NUPR2: variants seen among roughly 807,000 people sequenced by gnomAD.
NUPR2 encodes nuclear protein 2, transcriptional regulator, also known as nuclear protein 2.
In NUPR2, 14 loss-of-function variants were observed where a neutral mutation model predicts 7.3. The observed-to-expected ratio is 1.93, with a 90% CI of 1.27 to 3.01. The LOEUF (loss-of-function observed/expected upper bound fraction) is 3.01. Ranked by LOEUF, NUPR2 falls within the 30% of genes most tolerant of loss-of-function variation. The pLI is 0.00. For synonymous variants in NUPR2, 56 were observed against 59.7 expected, an observed-to-expected ratio of 0.94 and a Z score of 0.29; for missense variants, 162 against 143.7, an observed-to-expected ratio of 1.13 and a Z score of -0.65.
rs1282526398 is a variant in NUPR2 at position 56,115,897 on chromosome 7, C to T, written c.*6+118G>A. ...GAGGCCAAGCTGGCGGGTGCGGTTC[C>T]CTAATACGGTTCCCTCAGAGGCAGC... On this transcript the variant is annotated intron_variant, in intron 1 of 1. Coordinates refer to ENST00000329309, the MANE Select transcript of NUPR2 (RefSeq NM_001145712.2). 3 of 895,536 alleles carry T rather than the reference C, an allele frequency of 3.3e-6. No individual in the cohort carries two copies. In the East Asian group the frequency reaches 9.8e-5, roughly 29 times the overall value. The allele number at this position is 895,536 out of a possible 1,614,324, so 55.5% of individuals were successfully genotyped here.
At position 56,116,347 on chromosome 7, in the gene NUPR2, T is replaced by G; in HGVS notation, c.-33A>C. On this transcript the variant is annotated 5_prime_UTR_variant, in exon 1 of 2. Coordinates refer to ENST00000329309, the MANE Select transcript of NUPR2 (RefSeq NM_001145712.2). ...AGGCCTGTGGCCACCGGCGGCCACC[T>G]GCCCGCGTCTGGGCGCTCCTGGAAG... is the stretch of plus-strand genomic sequence containing the variant. 3.2e-6 allele frequency: 4 copies of G among 1,246,172 alleles called. No individual in the cohort carries two copies. Among genetic ancestry groups the G allele is most frequent in the Non-Finnish European group, 4.1e-6 (4 of 969,906 alleles). The allele number at this position is 1,246,172 out of a possible 1,614,324, so 77.2% of individuals were successfully genotyped here. A position where few individuals can be genotyped will look rare whatever the true frequency, so the allele number is the denominator to read the frequency against.
chr7:56,115,548 A>C (rs59381365), intron 1 of NUPR2, among the ~76,000 whole-genome samples: 110,243 of 133,356 alleles, frequency 0.83, 46,108 homozygotes, highest in African/African-American at 0.95. Flanking sequence ...CTCCCCCTCC[A>C]GGGTTCAAGC....
chr7:56,115,429 T>TATACGTATATATA (rs1554376538), intron 1 of NUPR2, among the ~76,000 whole-genome samples: 1 of 30,988 alleles, frequency 3.2e-5, no homozygotes, highest in Non-Finnish European at 5.4e-5. Context: ...ATATATATAT[T>TATACGTATATATA]TGTGTGTGTG....
rs1785525255 is a variant in NUPR2, at chr7:56,115,416, TA to T, written c.*7-520del. 3.1e-4 allele frequency among the ~76,000 whole-genome samples: 6 copies of T among 19,206 alleles called. 2 individuals carry two copies. Among genetic ancestry groups the T allele is most frequent in the African/African-American group, 1.4e-3 (4 of 2,766 alleles). The allele number at this position is 19,206 out of a possible 152,430, so 12.6% of individuals were successfully genotyped here. ...TCGCATATATATATATATATATATA[TA>T]TATATATATATTTGTGTGTGTGTGT... On this transcript the variant is annotated intron_variant, in intron 1 of 1. Transcript: ENST00000329309.
rs530572577 is a variant in NUPR2, at chr7:56,115,980, G to A, written c.*6+35C>T. The A allele has an allele frequency of 2.5e-4, 357 of 1,417,392 alleles. 1 individual carries two copies. The South Asian group carries it at 5.0e-3, about 20-fold the overall frequency. 87.8% of individuals were successfully genotyped at this position (1,417,392 alleles called of 1,614,324 possible). A position where few individuals can be genotyped will look rare whatever the true frequency, so the allele number is the denominator to read the frequency against. ...TGGGGGGACGCTCCTAGGGTCCCCG[G>A]GGCACTGGTTGGGGGAGGTGTTGGG... On this transcript the variant is annotated intron_variant, in intron 1 of 1. Transcript: ENST00000329309.
In NUPR2 at chr7:56,114,887, C is replaced by T. The variant is rs1279248991; in HGVS notation, c.*17G>A. ...GTTACAGTAAATACTTCGAACAGGT[C>T]CTTCGGTATCCTGTAGGAAATACAG... On this transcript the variant is annotated 3_prime_UTR_variant, in exon 2 of 2. Transcript: ENST00000329309. 6.6e-6 allele frequency: 1 copy of T among 152,168 alleles called. No individual in the cohort carries two copies. Among genetic ancestry groups the T allele is most frequent in the Non-Finnish European group, 1.5e-5 (1 of 68,046 alleles). 9.4% of individuals were successfully genotyped at this position (152,168 alleles called of 1,614,324 possible). A position where few individuals can be genotyped will look rare whatever the true frequency, so the allele number is the denominator to read the frequency against.
intron 1 of NUPR2, 36 bp downstream of exon 1, chr7:56,115,979 G>C: frequency 2.1e-6 from 3 of 1,414,038 alleles, no homozygotes; most frequent in Non-Finnish European, 2.8e-6. Context: ...TAGGGTCCCC[G>C]GGGCACTGGT....
chr7:56,115,417 A>ATACATATATATG, intron 1 of NUPR2, among the ~76,000 whole-genome samples: 1 of 21,366 alleles, frequency 4.7e-5, no homozygotes, highest in South Asian at 1.8e-3. Context: ...ATATATATAT[A>ATACATATATATG]TATATATATA....
intron 1 of NUPR2, among the ~76,000 whole-genome samples, chr7:56,115,609 C>T (rs1468695118): frequency 9.7e-6 from 1 of 103,054 alleles, no homozygotes; most frequent in Non-Finnish European, 1.9e-5. Context: ...GCGCGCACCA[C>T]AGTGCCTGGC....
chr7:56,115,417 A>ACATATG (rs1562891787), intron 1 of NUPR2, among the ~76,000 whole-genome samples: 1,010 of 21,258 alleles, frequency 0.048, 107 homozygotes, highest in African/African-American at 0.21. Flanking sequence ...ATATATATAT[A>ACATATG]TATATATATA....
At chr7:56,115,288 C>T (rs897394356) in intron 1 of NUPR2, among the ~76,000 whole-genome samples, 1 of 145,890 alleles carries the variant, frequency 6.9e-6, no homozygotes. Context: ...CTCCTACCTG[C>T]ATCTATTTTT....
At position 56,116,257 on chromosome 7, in the gene NUPR2, G is replaced by T. The variant is rs1423567871; in HGVS notation, c.58C>A (p.Pro20Thr). The T allele has an allele frequency of 6.5e-7, 1 of 1,538,474 alleles. No individual in the cohort carries two copies. The highest frequency in any genetic ancestry group is 2.0e-5 in the Admixed American group (1 of 49,956). Residue 20 changes from proline (P) to threonine (T), a missense_variant, in exon 1 of 2, where the codon CCA (proline) becomes ACA (threonine). Physicochemically the swap from Pro to Thr is conservative, Grantham distance 38. Coordinates refer to ENST00000329309, the MANE Select transcript of NUPR2 (RefSeq NM_001145712.2). ...AGCTCCTCCTCGTAGCTTATGGGTG[G>T]CGGCGGCCGAGCCAGAGCCTGCAGA... is the stretch of plus-strand genomic sequence containing the variant. Reference protein sequence around the residue: ...PRLQALARPPPPISYEEELYD... With the variant: ...PRLQALARPPTPISYEEELYD...
chr7:56,115,433 G>GTATATATATACATATATA (rs1562891882), intron 1 of NUPR2, among the ~76,000 whole-genome samples: 5 of 11,752 alleles, frequency 4.3e-4, no homozygotes, highest in South Asian at 3.1e-3. Context: ...ATATATTTGT[G>GTATATATATACATATATA]TGTGTGTGTG....
intron 1 of NUPR2, 64 bp downstream of exon 1, chr7:56,115,951 G>A (rs1785542630): frequency 1.5e-6 from 2 of 1,332,226 alleles, no homozygotes; most frequent in South Asian, 3.2e-5. Context: ...GCAGCGCCGC[G>A]CCGTGGGGGG....
intron 1 of NUPR2, among the ~76,000 whole-genome samples, 195 bp from the exon 2 acceptor site, chr7:56,115,092 C>G (rs544068384): frequency 6.6e-6 from 1 of 152,022 alleles, no homozygotes; most frequent in African/African-American, 2.4e-5. Flanking sequence ...CGCGCCACCA[C>G]GCCCAGCTTA....
chr7:56,115,419 A>ATATATACATATG (rs1554376508), intron 1 of NUPR2, among the ~76,000 whole-genome samples: 341 of 14,864 alleles, frequency 0.023, 40 homozygotes, highest in Middle Eastern at 0.062. Context: ...ATATATATAT[A>ATATATACATATG]TATATATATT....
intron 1 of NUPR2, among the ~76,000 whole-genome samples, chr7:56,115,156 G>C (rs1420438142): frequency 6.6e-6 from 1 of 151,822 alleles, no homozygotes; most frequent in Non-Finnish European, 1.5e-5. Context: ...GGCTAGTCTG[G>C]AACTCCTGAG....
chr7:56,116,280 A>T lies in NUPR2; in HGVS notation c.35T>A (p.Leu12Gln). 1 of 1,487,158 alleles carries T rather than the reference A, an allele frequency of 6.7e-7. No homozygotes were observed. Among genetic ancestry groups the T allele is most frequent in the East Asian group, 2.7e-5 (1 of 36,796 alleles). 92.1% of individuals were successfully genotyped at this position (1,487,158 alleles called of 1,614,324 possible). ...EAPAERALPR[L>Q]QALARPPPPI... ...TGGCGGCGGCCGAGCCAGAGCCTGC[A>T]GACGTGGAAGCGCCCGCTCTGCGGG... is the stretch of plus-strand genomic sequence containing the variant. Residue 12 changes from leucine to glutamine, a missense_variant, in exon 1 of 2, where the codon CTG becomes CAG. Transcript: ENST00000329309.
intron 1 of NUPR2, among the ~76,000 whole-genome samples, chr7:56,115,433 G>GTATATATATACATATA (rs1562891882): frequency 6.0e-4 from 7 of 11,748 alleles, no homozygotes; most frequent in African/African-American, 2.0e-3. Context: ...ATATATTTGT[G>GTATATATATACATATA]TGTGTGTGTG....
Sources: allele counts gnomAD v4.1 joint callset (sites outside exome capture counted in the v4.1 genomes callset), GRCh38; gene constraint gnomAD v4.1.1; transcripts MANE v1.5; gene names NCBI Gene and HGNC (gene_info 2026-07-23, HGNC 2026-07-21).